MMP16: variants seen among roughly 807,000 people sequenced by gnomAD.
MMP16 encodes matrix metallopeptidase 16, also known as matrix metalloproteinase-16.
MMP16 carries 12 observed loss-of-function variants against 67.8 expected under a neutral mutation model. The ratio of observed to expected loss-of-function variants is 0.18; its 90% CI spans 0.11 to 0.29. The LOEUF (loss-of-function observed/expected upper bound fraction) is 0.29, where lower values mean the gene tolerates loss of function less well. MMP16 is among the 10% of genes least tolerant of loss of function. The probability of loss-of-function intolerance (pLI) is 1.00; values close to 1 mark genes in which losing one functional copy is unlikely to be tolerated. For missense variants in MMP16, 475 were observed against 765.7 expected (o/e 0.62, Z 4.48); for synonymous variants, 249 against 255.9 (o/e 0.97, Z 0.26).
At chr8:88,157,886 T>G (rs1016316549) in intron 4 of MMP16, among the ~76,000 whole-genome samples, 1 of 151,558 alleles carries the variant, frequency 6.6e-6, no homozygotes, top group East Asian at 1.9e-4. Context: ...GTGTTCTCAT[T>G]GTTCAATTCC....
rs28907875 is a variant in MMP16 at position 88,327,339 on chromosome 8, G to A, written c.-133C>T. 763 of 1,223,414 alleles carry A rather than the reference G, an allele frequency of 6.2e-4. 2 individuals are homozygous for A. In the African/African-American group the frequency reaches 0.01, roughly 16 times the overall value. The allele number at this position is 1,223,414 out of a possible 1,614,324, so 75.8% of individuals were successfully genotyped here. ...GGAGCCTGCAGGTTCACCCACAGCC[G>A]GGCAAGGGGAGGAGACAGGGGCCCC... On this transcript the variant is annotated 5_prime_UTR_variant, in exon 1 of 10. Coordinates refer to ENST00000286614, the MANE Select transcript of MMP16 (RefSeq NM_005941.5).
At chr8:88,175,173 G>A (rs1022691586) in intron 3 of MMP16, among the ~76,000 whole-genome samples, 1 of 152,088 alleles carries the variant, frequency 6.6e-6, no homozygotes, top group Non-Finnish European at 1.5e-5. Flanking sequence ...AGAAAAATTA[G>A]CATCACCACT....
At chr8:88,164,888 G>T (rs1248216595) in intron 4 of MMP16, among the ~76,000 whole-genome samples, 1 of 151,618 alleles carries the variant, frequency 6.6e-6, no homozygotes, top group Non-Finnish European at 1.5e-5. Context: ...TTATATTTCA[G>T]AATTTCTTCC....
intron 7 of MMP16, among the ~76,000 whole-genome samples, chr8:88,072,898 C>T (rs1253624072): frequency 6.6e-6 from 1 of 152,112 alleles, no homozygotes; most frequent in African/African-American, 2.4e-5. Context: ...GCCTTTTATG[C>T]TGGCTGTTGA....
intron 3 of MMP16, among the ~76,000 whole-genome samples, chr8:88,184,616 G>A (rs1809038883): frequency 7.1e-6 from 1 of 140,028 alleles, no homozygotes; most frequent in Non-Finnish European, 1.5e-5. Flanking sequence ...GCATGGTCGT[G>A]CACACCTATA....
At chr8:88,285,275 G>A (rs1810809571) in intron 1 of MMP16, among the ~76,000 whole-genome samples, 1 of 152,020 alleles carries the variant, frequency 6.6e-6, no homozygotes, top group South Asian at 2.1e-4. Context: ...GAGTAGCTGG[G>A]ATTACAGGCG....
intron 7 of MMP16, among the ~76,000 whole-genome samples, chr8:88,063,462 AACATG>A: frequency 1.3e-5 from 2 of 151,598 alleles, no homozygotes; most frequent in Non-Finnish European, 2.9e-5. Context: ...CCTATCAGGA[AACATG>A]CAGTACCTAA....
chr8:88,136,413 C>G (rs1487826244), intron 4 of MMP16, among the ~76,000 whole-genome samples: 1 of 151,738 alleles, frequency 6.6e-6, no homozygotes, highest in Non-Finnish European at 1.5e-5. Flanking sequence ...TACTATAAAA[C>G]TGCACAAATC....
chr8:88,240,808 A>G (rs947779904), intron 1 of MMP16, among the ~76,000 whole-genome samples: 4 of 152,100 alleles, frequency 2.6e-5, no homozygotes, highest in Admixed American at 1.3e-4. Context: ...CTATTCATGC[A>G]TGCTTTCTAT....
intron 1 of MMP16, among the ~76,000 whole-genome samples, chr8:88,319,115 C>T (rs1223961772): frequency 1.3e-5 from 2 of 152,042 alleles, no homozygotes; most frequent in Non-Finnish European, 1.5e-5. Flanking sequence ...GCTTGAGTCA[C>T]CCATGGAGCA....
At chr8:88,122,987 C>T (rs1183776140) in intron 4 of MMP16, among the ~76,000 whole-genome samples, 1 of 151,564 alleles carries the variant, frequency 6.6e-6, no homozygotes, top group Non-Finnish European at 1.5e-5. Context: ...TGAGTGCAGC[C>T]CCGGCCAACA....
At chr8:88,153,171 C>T (rs958737442) in intron 4 of MMP16, among the ~76,000 whole-genome samples, 3 of 148,132 alleles carry the variant, frequency 2.0e-5, no homozygotes, top group Non-Finnish European at 3.0e-5. Flanking sequence ...ATGTGAAGGA[C>T]CTCTTCAAGG....
intron 1 of MMP16, among the ~76,000 whole-genome samples, chr8:88,320,443 C>CT (rs1409130381): frequency 7.2e-5 from 11 of 152,052 alleles, no homozygotes; most frequent in Middle Eastern, 3.2e-3. Context: ...AGTTTTTGAC[C>CT]TATTACACAC....
At chr8:88,309,973 C>A (rs376963919) in intron 1 of MMP16, among the ~76,000 whole-genome samples, 26 of 152,124 alleles carry the variant, frequency 1.7e-4, no homozygotes, top group African/African-American at 5.8e-4. Context: ...GTGTATGCAC[C>A]TTTTTCCTCA....
At chr8:88,241,370 T>C (rs539631511) in intron 1 of MMP16, among the ~76,000 whole-genome samples, 1 of 152,258 alleles carries the variant, frequency 6.6e-6, no homozygotes, top group East Asian at 1.9e-4. Flanking sequence ...ATCAGAAATA[T>C]GCATGGAAGT....
intron 7 of MMP16, among the ~76,000 whole-genome samples, chr8:88,057,390 T>C (rs28991897): frequency 0.22 from 32,888 of 151,976 alleles, 4,124 homozygotes; most frequent in Non-Finnish European, 0.3. Flanking sequence ...TATTAAGATA[T>C]TTCCATAAAA....
intron 2 of MMP16, among the ~76,000 whole-genome samples, chr8:88,188,724 G>A (rs906369613): frequency 5.3e-5 from 8 of 150,540 alleles, no homozygotes; most frequent in Admixed American, 4.0e-4. Context: ...GCACGATCTC[G>A]GCTTAACCAC....
chr8:88,263,442 C>A (rs1400007549), intron 1 of MMP16, among the ~76,000 whole-genome samples: 2 of 152,156 alleles, frequency 1.3e-5, no homozygotes, highest in Non-Finnish European at 2.9e-5. Context: ...CCATCCGACA[C>A]ATGAGTTTTC....
rs60944198 is a variant in MMP16, at chr8:88,068,235, C to T, written c.1222+6370G>A. On this transcript the variant is annotated intron_variant, in intron 7 of 9. Coordinates refer to ENST00000286614, the MANE Select transcript of MMP16 (RefSeq NM_005941.5). ...TTCTTGGTAAAGCTTTTGTTCAATA[C>T]TCTGTTCATTTTTATTGAGTTGTTT... Among the ~76,000 whole-genome samples the T allele has an allele frequency of 4.3e-3, 651 of 152,064 alleles. 5 individuals are homozygous for T. Among genetic ancestry groups the T allele is most frequent in the African/African-American group, 0.015 (618 of 41,540 alleles).
Sources: allele counts gnomAD v4.1 joint callset (sites outside exome capture counted in the v4.1 genomes callset), GRCh38; gene constraint gnomAD v4.1.1; transcripts MANE v1.5; gene names NCBI Gene and HGNC (gene_info 2026-07-23, HGNC 2026-07-21).